MYOZ2: variants seen among roughly 807,000 people sequenced by gnomAD.
MYOZ2 encodes the protein myozenin 2.
A neutral mutation model predicts 25.4 loss-of-function variants in MYOZ2; 19 were observed. That is an observed-to-expected ratio of 0.75 (90% CI 0.52 to 1.10). The LOEUF (loss-of-function observed/expected upper bound fraction) is 1.10. MYOZ2 is among the 50% of genes least tolerant of loss of function. The probability of loss-of-function intolerance (pLI) is 0.00; values close to 1 mark genes in which losing one functional copy is unlikely to be tolerated. For synonymous variants in MYOZ2, 92 were observed against 106.9 expected, an observed-to-expected ratio of 0.86 and a Z score of 0.86; for missense variants, 270 against 317.9, an observed-to-expected ratio of 0.85 and a Z score of 1.15.
At chr4:119,153,062 C>CT (rs5861415) in intron 3 of MYOZ2, among the ~76,000 whole-genome samples, 32,350 of 137,786 alleles carry the variant, frequency 0.23, 3,636 homozygotes, top group Middle Eastern at 0.31. Context: ...AAAGCGTTGC[C>CT]TTTTTTTTTT....
intron 5 of MYOZ2, among the ~76,000 whole-genome samples, chr4:119,170,334 TA>T (rs1244293915): frequency 6.6e-6 from 1 of 151,494 alleles, no homozygotes; most frequent in African/African-American, 2.4e-5. Context: ...GTCCTCATGC[TA>T]AAAAAAATTT....
In MYOZ2 at chr4:119,151,049, T is replaced by G. The variant is rs1362414262; in HGVS notation, c.246+8T>G. ...TCTAGAGCACAAATAAATGTAGGTA[T>G]AACTTGAACAGGTAGTATCCAAATG... On this transcript the variant is annotated splice_region_variant and intron_variant, in intron 3 of 5. Transcript: ENST00000307128. The G allele has an allele frequency of 6.2e-7, 1 of 1,601,478 alleles. No homozygotes were observed. The highest frequency in any genetic ancestry group is 8.6e-7 in the Non-Finnish European group (1 of 1,168,864).
intron 5 of MYOZ2, among the ~76,000 whole-genome samples, chr4:119,172,208 C>A (rs576651042): frequency 6.6e-6 from 1 of 152,344 alleles, no homozygotes; most frequent in African/African-American, 2.4e-5. Flanking sequence ...TGTAACCCCC[C>A]AAAGGGTTCT....
At chr4:119,156,487 A>G (rs1356777844) in intron 3 of MYOZ2, among the ~76,000 whole-genome samples, 1 of 152,082 alleles carries the variant, frequency 6.6e-6, no homozygotes, top group Non-Finnish European at 1.5e-5. Context: ...TGAGTTTGCA[A>G]TTAGGCATGC....
chr4:119,149,443 A>G (rs1299596687), intron 2 of MYOZ2, among the ~76,000 whole-genome samples: 1 of 152,184 alleles, frequency 6.6e-6, no homozygotes, highest in Non-Finnish European at 1.5e-5. Context: ...GCCATTGTCT[A>G]AACATTTTCT....
intron 3 of MYOZ2, among the ~76,000 whole-genome samples, chr4:119,154,869 ACG>A (rs1491525247): frequency 0.024 from 3,198 of 134,878 alleles, 103 homozygotes; most frequent in African/African-American, 0.08. Context: ...ACACACACAC[ACG>A]CACACACACA....
chr4:119,148,112 T>G (rs2149220566), intron 2 of MYOZ2, among the ~76,000 whole-genome samples: 1 of 152,306 alleles, frequency 6.6e-6, no homozygotes, highest in South Asian at 2.1e-4. Flanking sequence ...TATATTTCAC[T>G]GGGTATGGGA....
chr4:119,181,394 CTAGTT>C (rs1742183015), intron 5 of MYOZ2, among the ~76,000 whole-genome samples: 1 of 152,086 alleles, frequency 6.6e-6, no homozygotes, highest in African/African-American at 2.4e-5. Context: ...CATCTGGACT[CTAGTT>C]TATTTTACTT....
At chr4:119,148,821 A>C (rs1176767981) in intron 2 of MYOZ2, among the ~76,000 whole-genome samples, 1 of 146,536 alleles carries the variant, frequency 6.8e-6, no homozygotes, top group Non-Finnish European at 1.5e-5. Flanking sequence ...GTGGTTTCCT[A>C]ACTGCTTTCT....
intron 2 of MYOZ2, among the ~76,000 whole-genome samples, chr4:119,149,393 A>G (rs963248271): frequency 1.3e-5 from 2 of 152,230 alleles, no homozygotes; most frequent in Non-Finnish European, 2.9e-5. Context: ...GTGAGAGCGA[A>G]GTCAAAGTGT....
At position 119,186,386 on chromosome 4, in the gene MYOZ2, A is replaced by T; in HGVS notation, c.*186A>T. On this transcript the variant is annotated 3_prime_UTR_variant, in exon 6 of 6. Transcript: ENST00000307128. ...AATAAACAATTAGAAATCTTACTTT[A>T]AAAAACTTATAACTCACTTGTCTTC... The T allele has an allele frequency of 1.7e-6, 1 of 589,104 alleles. No homozygotes were observed. The highest frequency in any genetic ancestry group is 2.2e-5 in the South Asian group (1 of 45,788). The allele number at this position is 589,104 out of a possible 1,614,324, so 36.5% of individuals were successfully genotyped here. A position where few individuals can be genotyped will look rare whatever the true frequency, so the allele number is the denominator to read the frequency against.
Position 119,173,405 on chromosome 4 carries a change from A to G in MYOZ2, c.560+9011A>G, listed in dbSNP as rs150085405. Among the ~76,000 whole-genome samples the G allele has an allele frequency of 3.2e-4, 48 of 152,324 alleles. 1 individual carries two copies. The East Asian group carries it at 9.3e-3, about 29-fold the overall frequency. Reference sequence around the variant, plus strand: ...CTTCACTAACTTTGACTTAAACTTGAAACTATTTTCAGGGACCTTAAAAAT... The same window carrying G: ...CTTCACTAACTTTGACTTAAACTTGGAACTATTTTCAGGGACCTTAAAAAT... On this transcript the variant is annotated intron_variant, in intron 5 of 5. Transcript: ENST00000307128.
intron 5 of MYOZ2, among the ~76,000 whole-genome samples, chr4:119,172,530 A>T (rs1741968203): frequency 6.6e-6 from 1 of 152,230 alleles, no homozygotes; most frequent in Non-Finnish European, 1.5e-5. Flanking sequence ...CAGCTGATCC[A>T]TCGAGTACAG....
chr4:119,150,009 G>A (rs1377259146), intron 2 of MYOZ2, among the ~76,000 whole-genome samples: 5 of 151,982 alleles, frequency 3.3e-5, no homozygotes, highest in Admixed American at 6.6e-5. Context: ...TGCATTTAAC[G>A]GTAGTCAACT....
intron 5 of MYOZ2, among the ~76,000 whole-genome samples, chr4:119,168,252 G>A (rs569137251): frequency 1.4e-4 from 21 of 152,192 alleles, no homozygotes; most frequent in Admixed American, 6.5e-4. Context: ...GATTATGGGC[G>A]TGAGCCACTG....
chr4:119,176,189 T>C (rs1232191835), intron 5 of MYOZ2, among the ~76,000 whole-genome samples: 1 of 152,158 alleles, frequency 6.6e-6, no homozygotes, highest in African/African-American at 2.4e-5. Context: ...AATCAGTAAT[T>C]TGTTGCATGA....
intron 3 of MYOZ2, among the ~76,000 whole-genome samples, chr4:119,156,656 T>A (rs1044260546): frequency 3.2e-4 from 49 of 152,278 alleles, no homozygotes; most frequent in African/African-American, 1.2e-3. Flanking sequence ...TCGTTGAAAA[T>A]ATATATATGT....
Position 119,170,765 on chromosome 4 carries a change from A to G in MYOZ2, c.560+6371A>G, listed in dbSNP as rs139676379. On this transcript the variant is annotated intron_variant, in intron 5 of 5. Coordinates refer to ENST00000307128, the MANE Select transcript of MYOZ2 (RefSeq NM_016599.5). ...AATAAGAGAGAGAAGCAATATTGAAAGAATTCATGGCGTAAGATTTTTCAA... is the reference window on the plus strand; with the variant it reads ...AATAAGAGAGAGAAGCAATATTGAAGGAATTCATGGCGTAAGATTTTTCAA... Among the ~76,000 whole-genome samples, 263 of 152,306 alleles carry G rather than the reference A, an allele frequency of 1.7e-3. 2 individuals carry two copies. In the East Asian group the frequency reaches 0.025, roughly 15 times the overall value.
At position 119,187,076 on chromosome 4, in the gene MYOZ2, T is replaced by C. The variant is rs1215239532; in HGVS notation, c.*876T>C. 6.6e-6 allele frequency: 1 copy of C among 152,200 alleles called. No homozygotes were observed. The highest frequency in any genetic ancestry group is 1.9e-4 in the East Asian group (1 of 5,198). 9.4% of individuals were successfully genotyped at this position (152,200 alleles called of 1,614,324 possible). ...AATTGGCAGCTTTCTTTGCTAAATCTTTAAATTCTGTTAAGATCCTCAAGT... is the reference window on the plus strand; with the variant it reads ...AATTGGCAGCTTTCTTTGCTAAATCCTTAAATTCTGTTAAGATCCTCAAGT... On this transcript the variant is annotated 3_prime_UTR_variant, in exon 6 of 6. Transcript: ENST00000307128.
Sources: gnomAD v4.1 joint callset for allele counts (sites outside exome capture counted in the v4.1 genomes callset) on GRCh38, gnomAD v4.1.1 for gene constraint, MANE v1.5 for transcripts, NCBI Gene and HGNC (gene_info 2026-07-23, HGNC 2026-07-21) for gene names.